The following CRYBG3 variants were observed in gnomAD, a reference collection of about 807,000 sequenced individuals.
The protein encoded by CRYBG3 is crystallin beta-gamma domain containing 3, also known as very large A-kinase anchor protein.
In CRYBG3, 127 loss-of-function variants were observed where a neutral mutation model predicts 244.2. The observed-to-expected ratio is 0.52, with a 90% CI of 0.45 to 0.60. The LOEUF (loss-of-function observed/expected upper bound fraction) is 0.60, where lower values mean the gene tolerates loss of function less well. Among genes scored for constraint, CRYBG3 ranks in the 20% least tolerant of loss-of-function variants. The pLI, the probability that CRYBG3 is intolerant of heterozygous loss-of-function variation, is 0.00. For synonymous variants in CRYBG3, 1,132 were observed against 1,195.8 expected, an observed-to-expected ratio of 0.95 and a Z score of 1.10; for missense variants, 3,325 against 3,442.5, an observed-to-expected ratio of 0.97 and a Z score of 0.85.
chr3:97,852,432 G>A (rs2038999603), intron 2 of CRYBG3, among the ~76,000 whole-genome samples: 1 of 152,142 alleles, frequency 6.6e-6, no homozygotes, highest in African/African-American at 2.4e-5. Flanking sequence ...GTCCCTGAAA[G>A]GTCATGGTTA....
intron 7 of CRYBG3, among the ~76,000 whole-genome samples, chr3:97,885,167 C>T (rs1443415829): frequency 6.6e-6 from 1 of 152,064 alleles, no homozygotes; most frequent in African/African-American, 2.4e-5. Flanking sequence ...TACTTTTATA[C>T]TTTAAAGGAT....
At chr3:97,862,637 C>T (rs2039167395) in intron 2 of CRYBG3, among the ~76,000 whole-genome samples, 1 of 152,074 alleles carries the variant, frequency 6.6e-6, no homozygotes, top group Non-Finnish European at 1.5e-5. Context: ...GTTGTTTATG[C>T]TGTTTATATG....
At chr3:97,904,723 T>C (rs928558326) in intron 15 of CRYBG3, among the ~76,000 whole-genome samples, 2 of 150,746 alleles carry the variant, frequency 1.3e-5, no homozygotes, top group African/African-American at 4.9e-5. Flanking sequence ...TTTCTGAGTC[T>C]TTTTTTTATA....
In CRYBG3 at chr3:97,872,092, C is replaced by T. The variant is rs1181036913; in HGVS notation, c.898C>T (p.Pro300Ser). 1 of 1,535,712 alleles carries T rather than the reference C, an allele frequency of 6.5e-7. No homozygotes were observed. Among genetic ancestry groups the T allele is most frequent in the Non-Finnish European group, 8.7e-7 (1 of 1,146,764 alleles). Residue 300 changes from proline (P) to serine (S), a missense_variant, in exon 4 of 22, where the codon CCA becomes TCA. Transcript: ENST00000389622. ...SSMKGNLLEG[P>S]LEDSDCSKTS... ...TATGAAAGGAAATCTACTTGAAGGC[C>T]CATTAGAAGACTCTGATTGTAGCAA...
rs1250682811 is a variant in CRYBG3 at position 97,852,033 on chromosome 3, G to C, written c.216+8772G>C. Reference sequence around the variant, plus strand: ...AGGAGACATAGCATGGCCAAGTTCAGTTTGGAATGTTTTGAGTTTGAGGTC... The same window carrying C: ...AGGAGACATAGCATGGCCAAGTTCACTTTGGAATGTTTTGAGTTTGAGGTC... On this transcript the variant is annotated intron_variant, in intron 2 of 21. Transcript: ENST00000389622. Among the ~76,000 whole-genome samples the C allele has an allele frequency of 2.0e-5, 3 of 152,296 alleles. No individual in the cohort carries two copies. The East Asian group carries it at 5.8e-4, about 29-fold the overall frequency.
At chr3:97,888,518 C>A in intron 9 of CRYBG3, 63 bp downstream of exon 9, 1 of 1,091,816 alleles carries the variant, frequency 9.2e-7, no homozygotes, top group Non-Finnish European at 1.4e-6. Flanking sequence ...AATTAAATAA[C>A]CATGATGTTT....
intron 17 of CRYBG3, among the ~76,000 whole-genome samples, chr3:97,916,510 G>C (rs1449801564): frequency 6.6e-6 from 1 of 152,142 alleles, no homozygotes; most frequent in Non-Finnish European, 1.5e-5. Context: ...GTGCAGAGGA[G>C]GTAGTGAGGA....
At chr3:97,922,568 C>A (rs1193874869) in intron 17 of CRYBG3, among the ~76,000 whole-genome samples, 1 of 152,080 alleles carries the variant, frequency 6.6e-6, no homozygotes, top group African/African-American at 2.4e-5. Context: ...ATTTATGCAG[C>A]CAATAGACAA....
intron 1 of CRYBG3, among the ~76,000 whole-genome samples, chr3:97,834,556 G>A (rs2038703855): frequency 6.6e-6 from 1 of 152,102 alleles, no homozygotes; most frequent in South Asian, 2.1e-4. Flanking sequence ...AATAACTGGG[G>A]ACAAATTAGG....
In CRYBG3 at chr3:97,936,981, G is replaced by C. The variant is rs894781130; in HGVS notation, c.8505+73G>C. 2.0e-6 allele frequency: 3 copies of C among 1,505,510 alleles called. No individual in the cohort carries two copies. The African/African-American group carries it at 4.2e-5, about 21-fold the overall frequency. The allele number at this position is 1,505,510 out of a possible 1,614,324, so 93.3% of individuals were successfully genotyped here. A position where few individuals can be genotyped will look rare whatever the true frequency, so the allele number is the denominator to read the frequency against. On this transcript the variant is annotated intron_variant, in intron 19 of 21. Coordinates refer to ENST00000389622, the MANE Select transcript of CRYBG3 (RefSeq NM_153605.4). ...AGAAATGTCATAAACCACAGCATCT[G>C]AAATAATGATCATTTAATTTAGTTT...
intron 2 of CRYBG3, among the ~76,000 whole-genome samples, chr3:97,850,367 T>G (rs2108183129): frequency 6.6e-6 from 1 of 152,360 alleles, no homozygotes; most frequent in South Asian, 2.1e-4. Context: ...AAATAGTACA[T>G]ATAACTACAT....
At chr3:97,923,301 A>G (rs1004608960) in intron 17 of CRYBG3, among the ~76,000 whole-genome samples, 3 of 152,130 alleles carry the variant, frequency 2.0e-5, no homozygotes, top group African/African-American at 7.2e-5. Context: ...ACAAACCTGC[A>G]TGTTGTGCAC....
intron 15 of CRYBG3, among the ~76,000 whole-genome samples, chr3:97,910,404 T>C (rs938654209): frequency 8.0e-5 from 12 of 150,332 alleles, no homozygotes; most frequent in Non-Finnish European, 1.8e-4. Flanking sequence ...AGCGAGACTC[T>C]GTGGGCGTAG....
chr3:97,885,054 T>C (rs1361395878), intron 7 of CRYBG3, among the ~76,000 whole-genome samples: 3 of 152,186 alleles, frequency 2.0e-5, no homozygotes, highest in Admixed American at 1.3e-4. Context: ...ATAATGTTAC[T>C]AGAACTCTAT....
chr3:97,919,112 A>G (rs1043407453), intron 17 of CRYBG3, among the ~76,000 whole-genome samples: 4 of 152,188 alleles, frequency 2.6e-5, no homozygotes, highest in Admixed American at 6.6e-5. Flanking sequence ...TGAAATTTTA[A>G]TAATTTATCT....
intron 7 of CRYBG3, among the ~76,000 whole-genome samples, chr3:97,886,279 A>G (rs1322376227): frequency 6.6e-6 from 1 of 152,120 alleles, no homozygotes; most frequent in African/African-American, 2.4e-5. Context: ...TATACTGCTA[A>G]GAAGGAAGGC....
In CRYBG3 at chr3:97,875,799, G is replaced by A; in HGVS notation, c.4605G>A (p.Gly1535=). The change falls in exon 4 of 22, where the codon GGG becomes GGA. Residue 1535 remains glycine (G), a synonymous_variant. Coordinates refer to ENST00000389622, the MANE Select transcript of CRYBG3 (RefSeq NM_153605.4). ...AGAAGGATAATGAAATAAATATAGG[G>A]AAAATTGAACTTATACCTTCCATGT... The part of the protein sequence containing the change: ...VHKKDNEINI[G]KIELIPSMLE... 1 of 1,231,694 alleles carries A rather than the reference G, an allele frequency of 8.1e-7. No individual in the cohort carries two copies. Among genetic ancestry groups the A allele is most frequent in the Non-Finnish European group, 1.0e-6 (1 of 987,682 alleles). The allele number at this position is 1,231,694 out of a possible 1,614,324, so 76.3% of individuals were successfully genotyped here. A position where few individuals can be genotyped will look rare whatever the true frequency, so the allele number is the denominator to read the frequency against.
At chr3:97,832,269 T>C (rs2038664925) in intron 1 of CRYBG3, among the ~76,000 whole-genome samples, 1 of 144,002 alleles carries the variant, frequency 6.9e-6, no homozygotes, top group Admixed American at 6.9e-5. Context: ...AAGACAATCC[T>C]AAGGAAAAAG....
chr3:97,907,276 G>A (rs2039787987), intron 15 of CRYBG3, among the ~76,000 whole-genome samples: 1 of 152,154 alleles, frequency 6.6e-6, no homozygotes, highest in South Asian at 2.1e-4. Flanking sequence ...GAGTTAGGGA[G>A]GATTCCCTCT....
Sources: allele counts gnomAD v4.1 joint callset (sites outside exome capture counted in the v4.1 genomes callset), GRCh38; gene constraint gnomAD v4.1.1; transcripts MANE v1.5; gene names NCBI Gene and HGNC (gene_info 2026-07-23, HGNC 2026-07-21).